FNBP1L: variants seen among roughly 807,000 people sequenced by gnomAD.
FNBP1L encodes the protein formin binding protein 1 like, also known as formin-binding protein 1-like.
In FNBP1L, 36 loss-of-function variants were observed where a neutral mutation model predicts 91.2. The ratio of observed to expected loss-of-function variants is 0.39; its 90% CI spans 0.30 to 0.52. FNBP1L has a LOEUF of 0.52. Among genes scored for constraint, FNBP1L ranks in the 20% least tolerant of loss-of-function variants. The pLI, the probability that FNBP1L is intolerant of heterozygous loss-of-function variation, is 0.66. For synonymous variants in FNBP1L, 242 were observed against 237.0 expected (o/e 1.02, Z -0.19); for missense variants, 571 against 732.1 (o/e 0.78, Z 2.54).
chr1:93,537,641 A>G (rs1570863299), intron 10 of FNBP1L, among the ~76,000 whole-genome samples: 1 of 152,014 alleles, frequency 6.6e-6, no homozygotes, highest in African/African-American at 2.4e-5. Context: ...ACCTAATTCT[A>G]TATGTGGATG....
chr1:93,482,053 G>A (rs994814142), intron 1 of FNBP1L, among the ~76,000 whole-genome samples: 4 of 152,040 alleles, frequency 2.6e-5, no homozygotes, highest in Admixed American at 6.6e-5. Flanking sequence ...CCAGCTACTC[G>A]GGGGGCTGAG....
intron 1 of FNBP1L, among the ~76,000 whole-genome samples, chr1:93,498,655 C>G (rs1175257695): frequency 1.3e-5 from 2 of 152,006 alleles, no homozygotes. Context: ...GAGACAGCAC[C>G]AAGTTATTAG....
chr1:93,540,180 C>T (rs1178612377), intron 10 of FNBP1L, among the ~76,000 whole-genome samples: 1 of 152,000 alleles, frequency 6.6e-6, no homozygotes, highest in Non-Finnish European at 1.5e-5. Flanking sequence ...ATATACATAT[C>T]TATATCTGTA....
chr1:93,518,898 A>G (rs1458856916), intron 2 of FNBP1L, among the ~76,000 whole-genome samples: 2 of 151,940 alleles, frequency 1.3e-5, no homozygotes, highest in Non-Finnish European at 1.5e-5. Context: ...ACTGTTATCT[A>G]TTTTCTGTAT....
intron 1 of FNBP1L, among the ~76,000 whole-genome samples, chr1:93,472,981 G>A (rs909927544): frequency 6.6e-6 from 1 of 151,968 alleles, no homozygotes; most frequent in Admixed American, 6.6e-5. Flanking sequence ...CGTTTTGTAT[G>A]ACTGTTTATG....
intron 2 of FNBP1L, among the ~76,000 whole-genome samples, chr1:93,511,749 G>A (rs1298147881): frequency 2.6e-5 from 4 of 151,924 alleles, no homozygotes; most frequent in African/African-American, 9.7e-5. Flanking sequence ...GGCGGATCAC[G>A]AGGTCAGGAG....
At chr1:93,508,812 G>A (rs1670718785) in intron 2 of FNBP1L, among the ~76,000 whole-genome samples, 1 of 152,156 alleles carries the variant, frequency 6.6e-6, no homozygotes, top group South Asian at 2.1e-4. Context: ...ACAAAGAAAG[G>A]AATTTACTGG....
chr1:93,551,796 G>A (rs1461421723), intron 16 of FNBP1L: 1 of 985,208 alleles, frequency 1.0e-6, no homozygotes, highest in Non-Finnish European at 1.2e-6. Context: ...AATATTTTGA[G>A]GTTAGCTGGT....
At chr1:93,456,998 C>G (rs915214499) in intron 1 of FNBP1L, among the ~76,000 whole-genome samples, 1 of 152,104 alleles carries the variant, frequency 6.6e-6, no homozygotes, top group Non-Finnish European at 1.5e-5. Context: ...AGGTGATCCT[C>G]CATCCTCAGC....
intron 1 of FNBP1L, among the ~76,000 whole-genome samples, chr1:93,454,298 T>C (rs1397122709): frequency 1.3e-5 from 2 of 151,968 alleles, no homozygotes; most frequent in African/African-American, 4.8e-5. Context: ...GGCTGATTGC[T>C]TGATTCATGA....
chr1:93,515,889 A>C (rs927941087), intron 2 of FNBP1L, among the ~76,000 whole-genome samples: 1 of 152,030 alleles, frequency 6.6e-6, no homozygotes, highest in African/African-American at 2.4e-5. Context: ...CATTGTGCAC[A>C]TGTACCCTAA....
chr1:93,506,110 AATTTATTG>A (rs1229036865), intron 2 of FNBP1L, among the ~76,000 whole-genome samples: 9 of 152,196 alleles, frequency 5.9e-5, no homozygotes, highest in Non-Finnish European at 1.2e-4. Context: ...TTACAATATA[AATTTATTG>A]ATTTATTGAT....
intron 1 of FNBP1L, among the ~76,000 whole-genome samples, chr1:93,489,898 T>C (rs1179458872): frequency 6.6e-6 from 1 of 152,202 alleles, no homozygotes; most frequent in Non-Finnish European, 1.5e-5. Context: ...GTTAGATCTT[T>C]AAAAACATTT....
chr1:93,483,593 A>G (rs1214063904), intron 1 of FNBP1L, among the ~76,000 whole-genome samples: 1 of 152,220 alleles, frequency 6.6e-6, no homozygotes, highest in Non-Finnish European at 1.5e-5. Context: ...TTATGGATAA[A>G]AATGAACCAT....
At chr1:93,486,687 G>T (rs922254201) in intron 1 of FNBP1L, among the ~76,000 whole-genome samples, 1 of 152,102 alleles carries the variant, frequency 6.6e-6, no homozygotes, top group African/African-American at 2.4e-5. Context: ...AGCAATCGTA[G>T]GAGAATTTCC....
At chr1:93,533,242 C>G (rs1346792620) in intron 8 of FNBP1L, among the ~76,000 whole-genome samples, 174 bp downstream of exon 8, 1 of 150,766 alleles carries the variant, frequency 6.6e-6, no homozygotes, top group African/African-American at 2.4e-5. Context: ...ATTCTACATG[C>G]AAAAGTTCTA....
chr1:93,464,900 C>G (rs1669020904), intron 1 of FNBP1L, among the ~76,000 whole-genome samples: 1 of 152,094 alleles, frequency 6.6e-6, no homozygotes, highest in South Asian at 2.1e-4. Flanking sequence ...TCTATTACTT[C>G]TGTCAGGTAC....
intron 2 of FNBP1L, among the ~76,000 whole-genome samples, chr1:93,500,451 GGA>G (rs1421011032): frequency 2.6e-5 from 4 of 152,218 alleles, no homozygotes; most frequent in African/African-American, 9.6e-5. Flanking sequence ...GTACCTTTGG[GGA>G]GAAAGGAAGG....
chr1:93,506,300 A>G (rs1670610395), intron 2 of FNBP1L, among the ~76,000 whole-genome samples: 1 of 152,124 alleles, frequency 6.6e-6, no homozygotes, highest in African/African-American at 2.4e-5. Context: ...TTTAGTGCAG[A>G]CTGGCTTTCT....
Sources: allele counts gnomAD v4.1 joint callset (sites outside exome capture counted in the v4.1 genomes callset), GRCh38; gene constraint gnomAD v4.1.1; transcripts MANE v1.5; gene names NCBI Gene and HGNC (gene_info 2026-07-23, HGNC 2026-07-21).